MDGA2: variants seen among roughly 807,000 people sequenced by gnomAD.
The protein encoded by MDGA2 is MAM domain-containing glycosylphosphatidylinositol anchor protein 2.
Under a neutral mutation model 117.8 loss-of-function variants are expected in MDGA2, and 40 were observed. That is an observed-to-expected ratio of 0.34 (90% CI 0.26 to 0.44). The LOEUF (loss-of-function observed/expected upper bound fraction) is 0.44. Ranked by LOEUF, MDGA2 falls within the 20% of genes least tolerant of loss-of-function variation. The pLI is 1.00. For synonymous variants in MDGA2, 452 were observed against 439.0 expected (o/e 1.03, Z -0.37); for missense variants, 1,123 against 1,250.6 (o/e 0.90, Z 1.54).
chr14:47,194,390 C>T (rs1027003404), intron 3 of MDGA2, among the ~76,000 whole-genome samples: 3 of 152,010 alleles, frequency 2.0e-5, no homozygotes, highest in Admixed American at 6.6e-5. Flanking sequence ...ATCATCAGCA[C>T]GTTTTCAGTG....
At chr14:46,941,733 T>C (rs1885008162) in intron 9 of MDGA2, among the ~76,000 whole-genome samples, 1 of 152,038 alleles carries the variant, frequency 6.6e-6, no homozygotes, top group African/African-American at 2.4e-5. Context: ...AGATGTGCTT[T>C]TCTGTATTCA....
intron 1 of MDGA2, among the ~76,000 whole-genome samples, chr14:47,638,177 T>C (rs1897357849): frequency 6.6e-6 from 1 of 152,160 alleles, no homozygotes; most frequent in Non-Finnish European, 1.5e-5. Context: ...GTGTGCATTA[T>C]GGGTGTGTGT....
At chr14:47,294,221 G>A (rs766722132) in intron 2 of MDGA2, among the ~76,000 whole-genome samples, 2 of 145,882 alleles carry the variant, frequency 1.4e-5, no homozygotes, top group Admixed American at 7.1e-5. Context: ...TCAGCATCCC[G>A]ACTAGCTGGA....
At chr14:47,052,197 T>C (rs1889483287) in intron 7 of MDGA2, among the ~76,000 whole-genome samples, 1 of 151,920 alleles carries the variant, frequency 6.6e-6, no homozygotes. Context: ...ATTCAAATAG[T>C]TTCTATGTTC....
chr14:47,375,165 A>G (rs1171568405), intron 1 of MDGA2, among the ~76,000 whole-genome samples: 1 of 151,406 alleles, frequency 6.6e-6, no homozygotes, highest in Non-Finnish European at 1.5e-5. Context: ...ACTAGTCATC[A>G]TTAATAAAAA....
chr14:46,927,114 G>A (rs932101053), intron 9 of MDGA2, among the ~76,000 whole-genome samples: 48 of 152,180 alleles, frequency 3.2e-4, no homozygotes, highest in African/African-American at 1.0e-3. Context: ...AAGGCTTATT[G>A]TTTTAGATTC....
chr14:47,271,246 T>C (rs917959384), intron 2 of MDGA2, among the ~76,000 whole-genome samples: 38 of 152,186 alleles, frequency 2.5e-4, no homozygotes, highest in Admixed American at 2.2e-3. Context: ...TCCTTCTTTT[T>C]ATTTTTAATA....
rs140013378 is a variant in MDGA2, at chr14:46,918,031, A to G, written c.2238+1981T>C. ...TATTTGAGGTGCATAAAAGTAAAGG[A>G]AGAAGATGATGAGAAGGGTTGGGTA... is the stretch of plus-strand genomic sequence containing the variant. On this transcript the variant is annotated intron_variant, in intron 10 of 16. Coordinates refer to ENST00000399232, the MANE Select transcript of MDGA2 (RefSeq NM_001113498.3). Among the ~76,000 whole-genome samples the G allele has an allele frequency of 4.5e-4, 69 of 152,344 alleles. No individual in the cohort carries two copies. In the East Asian group the frequency reaches 0.013, roughly 29 times the overall value.
intron 10 of MDGA2, among the ~76,000 whole-genome samples, chr14:46,903,989 T>C (rs1482294466): frequency 4.6e-5 from 7 of 152,214 alleles, no homozygotes; most frequent in Non-Finnish European, 1.0e-4. Flanking sequence ...TAATTGTCAA[T>C]GTTGAGTCAA....
intron 1 of MDGA2, among the ~76,000 whole-genome samples, chr14:47,662,621 A>G (rs2138295697): frequency 6.6e-6 from 1 of 152,316 alleles, no homozygotes; most frequent in South Asian, 2.1e-4. Flanking sequence ...GGAAGCAAGA[A>G]GAAGGCCACT....
intron 5 of MDGA2, among the ~76,000 whole-genome samples, chr14:47,107,851 T>G (rs1008778981): frequency 6.6e-6 from 1 of 151,498 alleles, no homozygotes. Flanking sequence ...GCTGCTTTAA[T>G]ACTTTTAGAG....
At chr14:46,983,567 T>G (rs1448139791) in intron 8 of MDGA2, among the ~76,000 whole-genome samples, 1 of 152,152 alleles carries the variant, frequency 6.6e-6, no homozygotes, top group Admixed American at 6.6e-5. Flanking sequence ...GAATTAAAAA[T>G]TAAATGACAT....
intron 1 of MDGA2, among the ~76,000 whole-genome samples, chr14:47,646,079 CAAAA>C (rs10533233): frequency 1.0e-4 from 11 of 107,598 alleles, no homozygotes; most frequent in Admixed American, 2.0e-4. Context: ...GACTCCGTCT[CAAAA>C]AAAAAAAAAA....
chr14:47,225,228 T>C (rs1227582765), intron 2 of MDGA2, among the ~76,000 whole-genome samples: 1 of 152,012 alleles, frequency 6.6e-6, no homozygotes, highest in Non-Finnish European at 1.5e-5. Context: ...TGTAAACTAG[T>C]TCAACCATTG....
chr14:47,258,732 A>AT (rs35854935), intron 2 of MDGA2, among the ~76,000 whole-genome samples: 55 of 151,718 alleles, frequency 3.6e-4, no homozygotes, highest in Non-Finnish European at 6.0e-4. Flanking sequence ...GGATGAGGCT[A>AT]TTTTTTTTTC....
At chr14:46,897,841 T>C (rs1239136134) in intron 10 of MDGA2, among the ~76,000 whole-genome samples, 5 of 151,956 alleles carry the variant, frequency 3.3e-5, no homozygotes, top group African/African-American at 1.2e-4. Flanking sequence ...CATGGAGATA[T>C]GACCTTGCTT....
In MDGA2 at chr14:47,136,073, C is replaced by G. The variant is rs373491157; in HGVS notation, c.793-4227G>C. Among the ~76,000 whole-genome samples, 20 of 152,170 alleles carry G rather than the reference C, an allele frequency of 1.3e-4. No homozygotes were observed. The East Asian group carries it at 1.9e-3, about 15-fold the overall frequency. ...TTTTTTCACCAAGGCTTGCTTTCTC[C>G]TCTTGGAAGATACGTCAAACTTGAT... On this transcript the variant is annotated intron_variant, in intron 4 of 16. Transcript: ENST00000399232.
chr14:46,936,064 T>C (rs1259391280), intron 9 of MDGA2, among the ~76,000 whole-genome samples: 1 of 152,122 alleles, frequency 6.6e-6, no homozygotes, highest in Non-Finnish European at 1.5e-5. Flanking sequence ...CAGTCATACA[T>C]ATATAATTTT....
intron 1 of MDGA2, among the ~76,000 whole-genome samples, chr14:47,439,368 G>T (rs1007684788): frequency 6.6e-6 from 1 of 151,918 alleles, no homozygotes; most frequent in African/African-American, 2.4e-5. Flanking sequence ...TCCTAAATGA[G>T]TTAATGGAAT....
Sources: gnomAD v4.1 joint callset for allele counts (sites outside exome capture counted in the v4.1 genomes callset) on GRCh38, gnomAD v4.1.1 for gene constraint, MANE v1.5 for transcripts, NCBI Gene and HGNC (gene_info 2026-07-23, HGNC 2026-07-21) for gene names.